Variants in WIPF3 observed in about 807,000 individuals in gnomAD.
WIPF3 encodes WAS/WASL-interacting protein family member 3.
WIPF3 carries 33 observed loss-of-function variants against 38.9 expected under a neutral mutation model. The ratio of observed to expected loss-of-function variants is 0.85; its 90% CI spans 0.64 to 1.14. WIPF3 has a LOEUF of 1.14. WIPF3 is among the 50% of genes most tolerant of loss of function. The probability of loss-of-function intolerance (pLI) is 0.00; values close to 1 mark genes in which losing one functional copy is unlikely to be tolerated. For missense variants in WIPF3, 711 were observed against 652.5 expected, an observed-to-expected ratio of 1.09 and a Z score of -0.98; for synonymous variants, 324 against 269.3, an observed-to-expected ratio of 1.20 and a Z score of -1.99.
chr7:29,818,600 A>G (rs978253249), intron 1 of WIPF3, among the ~76,000 whole-genome samples: 2 of 149,838 alleles, frequency 1.3e-5, no homozygotes, highest in South Asian at 4.2e-4. Context: ...TTTTCCGTGG[A>G]GTCTGTTAGG....
At chr7:29,855,093 A>G (rs902691355) in intron 2 of WIPF3, among the ~76,000 whole-genome samples, 5 of 152,226 alleles carry the variant, frequency 3.3e-5, no homozygotes, top group African/African-American at 9.6e-5. Flanking sequence ...CCTCAGCTCT[A>G]TGAAGTCCCA....
intron 8 of WIPF3, chr7:29,905,304 TATACAC>T (rs1786372324): frequency 6.6e-6 from 1 of 152,190 alleles, no homozygotes; most frequent in East Asian, 1.9e-4. Flanking sequence ...AAGAAGTATA[TATACAC>T]AGGAAAAAAG....
At chr7:29,861,930 C>A (rs2128070742) in intron 2 of WIPF3, among the ~76,000 whole-genome samples, 1 of 152,304 alleles carries the variant, frequency 6.6e-6, no homozygotes, top group East Asian at 1.9e-4. Flanking sequence ...GAACATACTT[C>A]ATGGAAAAGA....
intron 3 of WIPF3, 72 bp downstream of exon 3, chr7:29,876,034 C>G: frequency 1.3e-6 from 2 of 1,565,724 alleles, no homozygotes; most frequent in Non-Finnish European, 1.7e-6. Context: ...AGCCAGACAC[C>G]CCTGGCTGGG....
At position 29,821,536 on chromosome 7, in the gene WIPF3, G is replaced by A. The variant is rs143652173; in HGVS notation, c.-57-13132G>A. On this transcript the variant is annotated intron_variant, in intron 1 of 8. Transcript: ENST00000242140. ...AACTCCTGGTGCAAGTGATTCTCTC[G>A]CCTTGGCCTCCTAAAGTATGGGGAT... is the stretch of plus-strand genomic sequence containing the variant. Among the ~76,000 whole-genome samples, 24 of 152,174 alleles carry A rather than the reference G, an allele frequency of 1.6e-4. No homozygotes were observed. In the East Asian group the frequency reaches 2.9e-3, roughly 18 times the overall value.
intron 7 of WIPF3, among the ~76,000 whole-genome samples, chr7:29,902,277 T>C (rs1036993730): frequency 4.1e-4 from 61 of 148,172 alleles, no homozygotes; most frequent in Non-Finnish European, 5.2e-4. Flanking sequence ...TCTTCTTCTT[T>C]TTTTTTTTTT....
At chr7:29,854,476 G>A (rs1355027839) in intron 2 of WIPF3, among the ~76,000 whole-genome samples, 2 of 152,144 alleles carry the variant, frequency 1.3e-5, no homozygotes, top group African/African-American at 4.8e-5. Flanking sequence ...CCAACAGGTG[G>A]ACTACATTTA....
chr7:29,904,398 G>T, intron 8 of WIPF3, 36 bp downstream of exon 8: 1 of 1,598,664 alleles, frequency 6.3e-7, no homozygotes, highest in Non-Finnish European at 8.6e-7. Flanking sequence ...TGTAAAACCA[G>T]GAATTCTCCT....
chr7:29,859,780 C>G (rs1248059439), intron 2 of WIPF3, among the ~76,000 whole-genome samples: 1 of 152,002 alleles, frequency 6.6e-6, no homozygotes, highest in Non-Finnish European at 1.5e-5. Flanking sequence ...AAATGCATGG[C>G]CATTTTACAT....
At chr7:29,876,714 A>G (rs544532684) in intron 3 of WIPF3, among the ~76,000 whole-genome samples, 1 of 152,282 alleles carries the variant, frequency 6.6e-6, no homozygotes, top group East Asian at 1.9e-4. Flanking sequence ...AAAAATGCAA[A>G]ATTTTTGTTT....
intron 1 of WIPF3, among the ~76,000 whole-genome samples, chr7:29,816,318 C>T (rs62459990): frequency 0.18 from 26,452 of 149,660 alleles, 2,482 homozygotes; most frequent in African/African-American, 0.22. Context: ...TTATTATTAT[C>T]ATCATCATCA....
intron 2 of WIPF3, among the ~76,000 whole-genome samples, chr7:29,869,387 A>C (rs1785454779): frequency 6.6e-6 from 1 of 152,194 alleles, no homozygotes; most frequent in African/African-American, 2.4e-5. Flanking sequence ...CTTAAATAAT[A>C]TTGGGTTATA....
intron 7 of WIPF3, among the ~76,000 whole-genome samples, chr7:29,891,264 AG>A (rs1786015258): frequency 9.9e-6 from 1 of 100,918 alleles, no homozygotes; most frequent in Non-Finnish European, 2.1e-5. Context: ...GCTCAGGTGG[AG>A]GGGGCGAGGG....
intron 1 of WIPF3, among the ~76,000 whole-genome samples, chr7:29,833,801 G>A (rs373270551): frequency 6.6e-6 from 1 of 152,100 alleles, no homozygotes; most frequent in Non-Finnish European, 1.5e-5. Flanking sequence ...TTGTTTTTAG[G>A]TTCTTATATA....
chr7:29,812,379 C>T (rs1784393501), intron 1 of WIPF3, among the ~76,000 whole-genome samples: 1 of 152,192 alleles, frequency 6.6e-6, no homozygotes, highest in Non-Finnish European at 1.5e-5. Context: ...CAGGAGCTAT[C>T]TGAGACCAGT....
intron 7 of WIPF3, among the ~76,000 whole-genome samples, chr7:29,890,881 A>G (rs1423011921): frequency 0.04 from 1,310 of 32,828 alleles, no homozygotes; most frequent in Middle Eastern, 0.065. Context: ...CTCAGGTGGA[A>G]GGGGTGAGGG....
chr7:29,889,131 T>C (rs1195528200), intron 6 of WIPF3, among the ~76,000 whole-genome samples, 175 bp from the exon 7 acceptor site: 1 of 152,178 alleles, frequency 6.6e-6, no homozygotes, highest in African/African-American at 2.4e-5. Flanking sequence ...CCAGTAAAAC[T>C]TGAGAGGTGA....
At chr7:29,891,640 A>G (rs1274684793) in intron 7 of WIPF3, among the ~76,000 whole-genome samples, 1 of 152,172 alleles carries the variant, frequency 6.6e-6, no homozygotes, top group East Asian at 1.9e-4. Context: ...TGCTCAGTTC[A>G]GCGCGCTCAC....
Position 29,876,004 on chromosome 7 carries a change from A to G in WIPF3, c.223+42A>G, listed in dbSNP as rs774793111. 3 of 1,604,268 alleles carry G rather than the reference A, an allele frequency of 1.9e-6. No homozygotes were observed. In the South Asian group the frequency reaches 3.3e-5, roughly 18 times the overall value. On this transcript the variant is annotated intron_variant, in intron 3 of 8. Coordinates refer to ENST00000242140, the MANE Select transcript of WIPF3 (RefSeq NM_001080529.3). ...GCCAGGCCTCCTGTGAGCCAAAGAC[A>G]GGACAGGCATGTGAGGCACAGCCAG...
Sources: allele counts gnomAD v4.1 joint callset (sites outside exome capture counted in the v4.1 genomes callset), GRCh38; gene constraint gnomAD v4.1.1; transcripts MANE v1.5; gene names NCBI Gene and HGNC (gene_info 2026-07-23, HGNC 2026-07-21).